Variants in EPB41L2 observed in about 807,000 individuals in gnomAD.
The protein encoded by EPB41L2 is erythrocyte membrane protein band 4.1 like 2.
In EPB41L2, 43 loss-of-function variants were observed where a neutral mutation model predicts 113.0. That is an observed-to-expected ratio of 0.38 (90% CI 0.30 to 0.49). EPB41L2 has a LOEUF of 0.49. EPB41L2 is among the 20% of genes least tolerant of loss of function. EPB41L2 has a pLI of 0.95. For synonymous variants in EPB41L2, 442 were observed against 436.7 expected, an observed-to-expected ratio of 1.01 and a Z score of -0.15; for missense variants, 1,147 against 1,223.4, an observed-to-expected ratio of 0.94 and a Z score of 0.93.
chr6:130,875,860 T>C (rs534740189), intron 14 of EPB41L2, among the ~76,000 whole-genome samples: 98 of 151,904 alleles, frequency 6.5e-4, no homozygotes, highest in Non-Finnish European at 5.4e-4. Flanking sequence ...TAGCCAGACT[T>C]GGTAGCAGGC....
intron 1 of EPB41L2, among the ~76,000 whole-genome samples, chr6:130,999,672 A>T (rs976413385): frequency 2.0e-5 from 3 of 152,202 alleles, no homozygotes; most frequent in African/African-American, 7.2e-5. Context: ...TAAGAAAAGC[A>T]AGAAGAAACT....
chr6:130,881,951 G>A (rs971186688), intron 12 of EPB41L2: 2 of 152,138 alleles, frequency 1.3e-5, no homozygotes, highest in Non-Finnish European at 2.9e-5. Flanking sequence ...GAGATAAGGA[G>A]CTTTTGAGAT....
intron 19 of EPB41L2, among the ~76,000 whole-genome samples, chr6:130,853,144 T>C (rs1240778305): frequency 6.6e-6 from 1 of 152,210 alleles, no homozygotes; most frequent in Non-Finnish European, 1.5e-5. Context: ...TACATATTTA[T>C]GCAATGAACA....
intron 1 of EPB41L2, among the ~76,000 whole-genome samples, chr6:131,033,907 T>A (rs956897833): frequency 1.5e-4 from 23 of 152,258 alleles, no homozygotes; most frequent in African/African-American, 5.5e-4. Context: ...GCTTCTGAGC[T>A]GCACATTTAC....
chr6:130,949,515 A>C (rs1347471100), intron 3 of EPB41L2, among the ~76,000 whole-genome samples: 2 of 150,948 alleles, frequency 1.3e-5, no homozygotes, highest in African/African-American at 2.4e-5. Flanking sequence ...AGGCAAGAAG[A>C]GGGACTGCCA....
rs757983076 is a variant in EPB41L2, at chr6:130,944,164, CACACACAT to C, written c.705+10933_705+10940del. Among the ~76,000 whole-genome samples the C allele has an allele frequency of 6.0e-3, 839 of 138,982 alleles. 5 individuals are homozygous for C. The highest frequency in any genetic ancestry group is 0.022 in the South Asian group (90 of 4,056). The allele number at this position is 138,982 out of a possible 152,430, so 91.2% of individuals were successfully genotyped here. On this transcript the variant is annotated intron_variant, in intron 3 of 19. Transcript: ENST00000337057. ...TGGATTATATATATATACGTACATA[CACACACAT>C]ACACACACACACACACACACACACA...
chr6:131,043,127 T>C (rs1794764695), intron 1 of EPB41L2, among the ~76,000 whole-genome samples: 1 of 152,036 alleles, frequency 6.6e-6, no homozygotes, highest in African/African-American at 2.4e-5. Context: ...GGCAAAACCC[T>C]GTCTCTACTA....
intron 1 of EPB41L2, among the ~76,000 whole-genome samples, chr6:130,974,948 G>A (rs1238192014): frequency 1.3e-5 from 2 of 151,570 alleles, no homozygotes; most frequent in Non-Finnish European, 2.9e-5. Flanking sequence ...TAGGAGAGAC[G>A]GGGTTTCACC....
At chr6:131,051,375 T>C (rs1584790031) in intron 1 of EPB41L2, among the ~76,000 whole-genome samples, 1 of 151,500 alleles carries the variant, frequency 6.6e-6, no homozygotes, top group East Asian at 1.9e-4. Context: ...ATGAGCTAAT[T>C]TCTGTTTCCT....
At chr6:131,004,614 C>T (rs1358985794) in intron 1 of EPB41L2, among the ~76,000 whole-genome samples, 1 of 152,208 alleles carries the variant, frequency 6.6e-6, no homozygotes, top group Non-Finnish European at 1.5e-5. Flanking sequence ...GAAGTGCACC[C>T]TCCATTCACA....
intron 3 of EPB41L2, among the ~76,000 whole-genome samples, chr6:130,952,006 A>C (rs920682661): frequency 6.6e-6 from 1 of 152,204 alleles, no homozygotes; most frequent in African/African-American, 2.4e-5. Flanking sequence ...TTTTATTAAA[A>C]GTCGTGAAGA....
intron 1 of EPB41L2, among the ~76,000 whole-genome samples, chr6:130,976,714 A>C (rs2128667518): frequency 6.6e-6 from 1 of 152,372 alleles, no homozygotes; most frequent in Admixed American, 6.5e-5. Flanking sequence ...TCTGCTTTTA[A>C]TTAACTACAA....
At chr6:130,952,742 A>G (rs9388871) in intron 3 of EPB41L2, among the ~76,000 whole-genome samples, 122,152 of 151,322 alleles carry the variant, frequency 0.81, 50,054 homozygotes, top group East Asian at 1. Context: ...CCAGAAAGTC[A>G]GAGGATGCAG....
intron 1 of EPB41L2, among the ~76,000 whole-genome samples, chr6:130,975,888 C>T (rs761438588): frequency 4.9e-4 from 74 of 151,988 alleles, no homozygotes; most frequent in African/African-American, 1.7e-3. Flanking sequence ...ATTAGCTGGG[C>T]GCGGTGGCAT....
At chr6:131,035,444 T>A (rs1307254567) in intron 1 of EPB41L2, among the ~76,000 whole-genome samples, 4 of 152,194 alleles carry the variant, frequency 2.6e-5, no homozygotes, top group African/African-American at 9.7e-5. Context: ...CATCTCCTCT[T>A]CTGCTTCCTT....
Position 130,869,857 on chromosome 6 carries a change from C to A in EPB41L2, c.2313G>T (p.Gln771His). ...CTTCCTCCACCTCTTCTTCATACTC[C>A]TGTTCCTCCCTGATGGTGCCCTCGG... ...RVTEGTIREE[Q>H]EYEEEVEEEP... The change falls in exon 15 of 20, where the codon CAG becomes CAT. Residue 771 changes from glutamine (Q) to histidine (H), a missense_variant. Physicochemically the swap from Gln to His is conservative, Grantham distance 24 (BLOSUM62 0). Coordinates refer to ENST00000337057, the MANE Select transcript of EPB41L2 (RefSeq NM_001431.4). 1 of 1,613,574 alleles carries A rather than the reference C, an allele frequency of 6.2e-7. No homozygotes were observed. Among genetic ancestry groups the A allele is most frequent in the South Asian group, 1.1e-5 (1 of 91,034 alleles).
intron 14 of EPB41L2, among the ~76,000 whole-genome samples, chr6:130,874,490 A>G (rs1005012931): frequency 5.3e-5 from 8 of 152,058 alleles, no homozygotes; most frequent in Non-Finnish European, 8.8e-5. Flanking sequence ...AAGTCAAAAC[A>G]CTCCCGTAGA....
intron 16 of EPB41L2, 136 bp from the exon 17 acceptor site, chr6:130,865,770 G>A: frequency 1.2e-6 from 1 of 838,466 alleles, no homozygotes; most frequent in South Asian, 1.8e-5. Context: ...TTACCATCCA[G>A]GAGAGCGGCT....
chr6:131,056,082 A>C (rs191417634), intron 1 of EPB41L2, among the ~76,000 whole-genome samples: 1 of 152,350 alleles, frequency 6.6e-6, no homozygotes, highest in East Asian at 1.9e-4. Flanking sequence ...AAATAAGGAT[A>C]TTTATATGAA....
Sources: allele counts gnomAD v4.1 joint callset (sites outside exome capture counted in the v4.1 genomes callset), GRCh38; gene constraint gnomAD v4.1.1; transcripts MANE v1.5; gene names NCBI Gene and HGNC (gene_info 2026-07-23, HGNC 2026-07-21).